CSMD3: variants seen among roughly 807,000 people sequenced by gnomAD.
The protein encoded by CSMD3 is CUB and Sushi multiple domains 3.
CSMD3 carries 177 observed loss-of-function variants against 435.2 expected under a neutral mutation model. That is an observed-to-expected ratio of 0.41 (90% CI 0.36 to 0.46). The LOEUF (loss-of-function observed/expected upper bound fraction) is 0.46. Among genes scored for constraint, CSMD3 ranks in the 20% least tolerant of loss-of-function variants. The probability of loss-of-function intolerance (pLI) is 0.34; values close to 1 mark genes in which losing one functional copy is unlikely to be tolerated. For synonymous variants in CSMD3, 1,656 were observed against 1,520.5 expected, an observed-to-expected ratio of 1.09 and a Z score of -2.07; for missense variants, 4,265 against 4,504.6, an observed-to-expected ratio of 0.95 and a Z score of 1.52.
chr8:113,296,557 G>GA (rs1257362567), intron 2 of CSMD3, among the ~76,000 whole-genome samples: 1 of 151,932 alleles, frequency 6.6e-6, no homozygotes, highest in Non-Finnish European at 1.5e-5. Flanking sequence ...AAACAAAACA[G>GA]AAAGAGAGCT....
In CSMD3 at chr8:112,405,228, T is replaced by TAC. The variant is rs1365579176; in HGVS notation, c.5809+1295_5809+1296insGT. 6.0e-5 allele frequency among the ~76,000 whole-genome samples: 6 copies of TAC among 100,026 alleles called. 1 individual carries two copies. The highest frequency in any genetic ancestry group is 3.0e-4 in the African/African-American group (6 of 20,280). 65.6% of individuals were successfully genotyped at this position (100,026 alleles called of 152,430 possible). ...AAAAAAACCCCCATATATATATATA[T>TAC]ATATATATATATATATATACATATA... is the stretch of plus-strand genomic sequence containing the variant. On this transcript the variant is annotated intron_variant, in intron 35 of 70. Transcript: ENST00000297405.
At chr8:113,191,478 A>C (rs1230821724) in intron 3 of CSMD3, among the ~76,000 whole-genome samples, 2 of 151,580 alleles carry the variant, frequency 1.3e-5, no homozygotes, top group Non-Finnish European at 2.9e-5. Context: ...CCCAATTATA[A>C]GTGAGAACAT....
rs112358979 is a variant in CSMD3 at position 113,106,548 on chromosome 8, T to C, written c.710-7585A>G. On this transcript the variant is annotated intron_variant, in intron 4 of 70. Transcript: ENST00000297405. Reference sequence around the variant, plus strand: ...TGGAGCAGGGGCAAGCATGGAAAACTATGGAAAGATTAATGGTCAAAGGAT... The same window carrying C: ...TGGAGCAGGGGCAAGCATGGAAAACCATGGAAAGATTAATGGTCAAAGGAT... Among the ~76,000 whole-genome samples the C allele has an allele frequency of 8.3e-3, 1,260 of 152,298 alleles. 30 individuals carry two copies. Among genetic ancestry groups the C allele is most frequent in the African/African-American group, 0.029 (1,192 of 41,558 alleles).
intron 35 of CSMD3, among the ~76,000 whole-genome samples, chr8:112,402,652 A>C (rs191063784): frequency 6.6e-6 from 1 of 152,292 alleles, no homozygotes; most frequent in Admixed American, 6.5e-5. Context: ...AAAGTGACAC[A>C]GAAATTATGT....
chr8:112,560,501 A>T (rs1177436281), intron 24 of CSMD3, among the ~76,000 whole-genome samples: 2 of 151,726 alleles, frequency 1.3e-5, no homozygotes, highest in African/African-American at 4.8e-5. Flanking sequence ...AAAATAAAGT[A>T]ATGCTGATAA....
chr8:113,154,293 T>C (rs1315167981), intron 4 of CSMD3, among the ~76,000 whole-genome samples: 2 of 151,972 alleles, frequency 1.3e-5, no homozygotes, highest in Non-Finnish European at 2.9e-5. Flanking sequence ...CATAAAAACA[T>C]TGCTTGAGAA....
intron 28 of CSMD3, 144 bp downstream of exon 28, chr8:112,516,890 G>T: frequency 1.6e-6 from 1 of 644,468 alleles, no homozygotes; most frequent in South Asian, 2.0e-5. Context: ...TTACAATTTT[G>T]TACATTCTGC....
chr8:112,924,474 T>C (rs2082848853), intron 9 of CSMD3, among the ~76,000 whole-genome samples: 1 of 152,140 alleles, frequency 6.6e-6, no homozygotes, highest in Non-Finnish European at 1.5e-5. Context: ...CAGATGATTA[T>C]GATATTCTAG....
At chr8:112,440,771 A>T (rs6469417) in intron 32 of CSMD3, among the ~76,000 whole-genome samples, 41,546 of 152,112 alleles carry the variant, frequency 0.27, 6,374 homozygotes, top group African/African-American at 0.41. Context: ...GGCCCAGGCT[A>T]TACCTTGGGC....
At chr8:113,434,865 C>T (rs2094695943) in intron 1 of CSMD3, among the ~76,000 whole-genome samples, 1 of 152,180 alleles carries the variant, frequency 6.6e-6, no homozygotes, top group Admixed American at 6.5e-5. Context: ...CGCCCCGCTT[C>T]GGAGACTTCC....
chr8:112,312,942 T>A (rs1822123857), intron 49 of CSMD3, among the ~76,000 whole-genome samples: 1 of 152,112 alleles, frequency 6.6e-6, no homozygotes, highest in Non-Finnish European at 1.5e-5. Context: ...GACACATGAT[T>A]TGGGAAGCAT....
At chr8:112,405,236 TATATATATATAC>T in intron 35 of CSMD3, among the ~76,000 whole-genome samples, 1 of 98,974 alleles carries the variant, frequency 1.0e-5, no homozygotes, top group Non-Finnish European at 1.9e-5. Context: ...TATATATATA[TATATATATATAC>T]ATATATATAT....
At chr8:112,752,213 C>T (rs1211236265) in intron 13 of CSMD3, among the ~76,000 whole-genome samples, 1 of 152,094 alleles carries the variant, frequency 6.6e-6, no homozygotes, top group Non-Finnish European at 1.5e-5. Flanking sequence ...GGACACTATA[C>T]TCTGTTGGTT....
At chr8:112,445,363 A>C (rs1377939533) in intron 32 of CSMD3, among the ~76,000 whole-genome samples, 1 of 152,136 alleles carries the variant, frequency 6.6e-6, no homozygotes, top group Non-Finnish European at 1.5e-5. Flanking sequence ...AATAGATTCA[A>C]TTGGCTCATG....
rs571401350 is a variant in CSMD3 at position 112,887,331 on chromosome 8, T to G, written c.1634-28065A>C. Among the ~76,000 whole-genome samples, 26 of 151,024 alleles carry G rather than the reference T, an allele frequency of 1.7e-4. 1 individual carries two copies. The highest frequency in any genetic ancestry group is 1.5e-3 in the Admixed American group (23 of 15,038). On this transcript the variant is annotated intron_variant, in intron 10 of 70. Transcript: ENST00000297405. The stretch of plus-strand genomic sequence containing the variant: ...GCTCTTATCTTGTATGCTATAAATA[T>G]TCATTCAATTTTTAACAATTCTGGT...
At chr8:113,137,180 T>C (rs1299424563) in intron 4 of CSMD3, among the ~76,000 whole-genome samples, 3 of 151,682 alleles carry the variant, frequency 2.0e-5, no homozygotes, top group Admixed American at 6.6e-5. Flanking sequence ...TTCTCAGTTG[T>C]AATATCAACA....
intron 4 of CSMD3, among the ~76,000 whole-genome samples, chr8:113,145,109 T>A (rs1003586770): frequency 6.6e-6 from 1 of 151,356 alleles, no homozygotes; most frequent in African/African-American, 2.4e-5. Context: ...CTTGGCAGGG[T>A]GGAATAATCC....
intron 12 of CSMD3, among the ~76,000 whole-genome samples, chr8:112,815,953 T>C (rs1184082989): frequency 6.6e-6 from 1 of 152,156 alleles, no homozygotes; most frequent in Non-Finnish European, 1.5e-5. Context: ...TAGCAGATCA[T>C]ATGGATAACT....
chr8:112,557,684 C>T (rs925290818), intron 24 of CSMD3, among the ~76,000 whole-genome samples: 1 of 151,860 alleles, frequency 6.6e-6, no homozygotes, highest in Admixed American at 6.6e-5. Flanking sequence ...GGGTGATATA[C>T]CCCAAATCCC....
Sources: gnomAD v4.1 joint callset for allele counts (sites outside exome capture counted in the v4.1 genomes callset) on GRCh38, gnomAD v4.1.1 for gene constraint, MANE v1.5 for transcripts, NCBI Gene and HGNC (gene_info 2026-07-23, HGNC 2026-07-21) for gene names.